ORC2: variants seen among roughly 807,000 people sequenced by gnomAD.
ORC2 encodes origin recognition complex subunit 2.
ORC2 carries 37 observed loss-of-function variants against 77.7 expected under a neutral mutation model. That is an observed-to-expected ratio of 0.48 (90% confidence interval 0.37 to 0.63). The LOEUF is 0.63. Among genes scored for constraint, ORC2 ranks in the 20% least tolerant of loss-of-function variants. The probability of loss-of-function intolerance (pLI) is 0.00; values close to 1 mark genes in which losing one functional copy is unlikely to be tolerated. For missense variants in ORC2, 557 were observed against 661.9 expected (o/e 0.84, Z 1.74); for synonymous variants, 201 against 229.5 (o/e 0.88, Z 1.12).
chr2:200,932,048 T>G (rs758544838), intron 10 of ORC2, among the ~76,000 whole-genome samples: 17 of 152,184 alleles, frequency 1.1e-4, no homozygotes, highest in Non-Finnish European at 1.9e-4. Flanking sequence ...AAGTAAAATA[T>G]TATTTAAATA....
At chr2:200,923,973 A>G (rs1324736182) in intron 13 of ORC2, among the ~76,000 whole-genome samples, 1 of 152,208 alleles carries the variant, frequency 6.6e-6, no homozygotes, top group Non-Finnish European at 1.5e-5. Context: ...AATAAATGTT[A>G]GCAAGCAGGT....
chr2:200,956,831 C>T (rs2041474716), intron 4 of ORC2, among the ~76,000 whole-genome samples: 1 of 151,972 alleles, frequency 6.6e-6, no homozygotes, highest in Non-Finnish European at 1.5e-5. Context: ...TACTATGCAG[C>T]CATAAAAGGA....
In ORC2 at chr2:200,925,940, A is replaced by G. The variant is rs1427970591; in HGVS notation, c.1051-8T>C. The G allele has an allele frequency of 7.4e-7, 1 of 1,348,698 alleles. No individual in the cohort carries two copies. Among genetic ancestry groups the G allele is most frequent in the Admixed American group, 1.8e-5 (1 of 57,142 alleles). The allele number at this position is 1,348,698 out of a possible 1,614,324, so 83.5% of individuals were successfully genotyped here. A position where few individuals can be genotyped will look rare whatever the true frequency, so the allele number is the denominator to read the frequency against. On this transcript the variant is annotated splice_polypyrimidine_tract_variant and splice_region_variant and intron_variant, in intron 12 of 17. Transcript: ENST00000234296. ...TGTTATAGAATTCAGGACCTATATC[A>G]TGAATGTGGAAGAGGTACCACATTA... is the stretch of plus-strand genomic sequence containing the variant.
Position 200,926,774 on chromosome 2 carries a change from C to T in ORC2, c.1044G>A (p.Val348=). ...TAACATTTTTGAAACTTACTGATTT[C>T]ACACTGATTCCAGGAAAGAAGCCAT... ...VINGFFPGIS[V]KSVLNSITEE... is the part of the protein sequence containing the mutation. Residue 348 remains valine (V), a synonymous_variant, in exon 12 of 18, where the codon GTG becomes GTA. Coordinates refer to ENST00000234296, the MANE Select transcript of ORC2 (RefSeq NM_006190.5). The T allele has an allele frequency of 6.2e-7, 1 of 1,613,766 alleles. No homozygotes were observed. Among genetic ancestry groups the T allele is most frequent in the Non-Finnish European group, 8.5e-7 (1 of 1,179,842 alleles).
At chr2:200,944,219 G>A (rs2041208174) in intron 5 of ORC2, among the ~76,000 whole-genome samples, 1 of 152,112 alleles carries the variant, frequency 6.6e-6, no homozygotes. Context: ...TGTCGCCCAG[G>A]CTGGAGTGCA....
chr2:200,925,302 T>C (rs2040823579), intron 13 of ORC2, among the ~76,000 whole-genome samples: 1 of 151,586 alleles, frequency 6.6e-6, no homozygotes, highest in South Asian at 2.1e-4. Context: ...ACTTTTGGAG[T>C]GTTTTATAAA....
intron 2 of ORC2, among the ~76,000 whole-genome samples, chr2:200,959,179 C>T: frequency 6.6e-6 from 1 of 152,094 alleles, no homozygotes; most frequent in Non-Finnish European, 1.5e-5. Context: ...GATGGAGCCT[C>T]ACTATGTTGC....
chr2:200,947,506 C>T (rs1426054700), intron 5 of ORC2, among the ~76,000 whole-genome samples: 1 of 152,122 alleles, frequency 6.6e-6, no homozygotes, highest in Non-Finnish European at 1.5e-5. Context: ...AAGAAATATC[C>T]ATAGGTGTTT....
intron 4 of ORC2, among the ~76,000 whole-genome samples, chr2:200,956,438 C>T (rs1029260947): frequency 6.6e-6 from 1 of 152,126 alleles, no homozygotes; most frequent in Non-Finnish European, 1.5e-5. Flanking sequence ...GCTTTGGTCT[C>T]CCAATATGCT....
chr2:200,913,187 A>G, intron 17 of ORC2, 108 bp downstream of exon 17: 1 of 740,936 alleles, frequency 1.3e-6, no homozygotes, highest in South Asian at 1.8e-5. Flanking sequence ...CTGTGACTCA[A>G]CAGGGAACAT....
chr2:200,939,327 TCACAA>T (rs2041106272), intron 7 of ORC2, among the ~76,000 whole-genome samples: 1 of 152,196 alleles, frequency 6.6e-6, no homozygotes, highest in Admixed American at 6.5e-5. Context: ...GTCTGAGAAT[TCACAA>T]CACCTGTGTC....
chr2:200,950,611 A>G (rs570829534), intron 4 of ORC2, among the ~76,000 whole-genome samples: 1 of 152,226 alleles, frequency 6.6e-6, no homozygotes, highest in Non-Finnish European at 1.5e-5. Context: ...CATATTGACT[A>G]ATGGAATGCG....
intron 10 of ORC2, 40 bp from the exon 11 acceptor site, chr2:200,931,488 A>G (rs780508437): frequency 2.0e-6 from 2 of 1,024,274 alleles, no homozygotes; most frequent in Non-Finnish European, 2.9e-6. Context: ...TCATTCTCAA[A>G]GCACAGACAG....
intron 4 of ORC2, 124 bp downstream of exon 4, chr2:200,957,277 T>A: frequency 3.1e-6 from 2 of 645,778 alleles, no homozygotes; most frequent in African/African-American, 3.7e-5. Context: ...AGCAAATGCT[T>A]TTTAGATGAG....
At chr2:200,917,258 G>A (rs1347534106) in intron 15 of ORC2, among the ~76,000 whole-genome samples, 1 of 152,058 alleles carries the variant, frequency 6.6e-6, no homozygotes, top group Non-Finnish European at 1.5e-5. Context: ...GCCTCTCAAA[G>A]TGCTGAGATT....
Position 200,925,886 on chromosome 2 carries a change from A to G in ORC2, c.1097T>C (p.Phe366Ser). The change falls in exon 13 of 18, where the codon TTC (phenylalanine) becomes TCC (serine). Residue 366 changes from phenylalanine (F) to serine (S), a missense_variant. Coordinates refer to ENST00000234296, the MANE Select transcript of ORC2 (RefSeq NM_006190.5). The part of the protein sequence containing the change: ...TEEVLDHMGT[F>S]RSILDQLDWI... The stretch of plus-strand genomic sequence containing the variant: ...GTCTAGCTGATCCAGTATACTGCGG[A>G]AAGTACCCATATGATCGAGGACTTC... The G allele has an allele frequency of 1.2e-6, 2 of 1,602,614 alleles. No homozygotes were observed. The highest frequency in any genetic ancestry group is 1.1e-5 in the South Asian group (1 of 90,184).
intron 11 of ORC2, among the ~76,000 whole-genome samples, chr2:200,927,565 CT>C (rs1386195573): frequency 6.7e-6 from 1 of 150,118 alleles, no homozygotes; most frequent in Admixed American, 6.6e-5. Flanking sequence ...TGGCGGGTGC[CT>C]GTAGTCCCAG....
At chr2:200,933,270 G>T (rs2040974939) in intron 10 of ORC2, among the ~76,000 whole-genome samples, 1 of 141,816 alleles carries the variant, frequency 7.1e-6, no homozygotes, top group Admixed American at 7.3e-5. Flanking sequence ...CTGGAACCAT[G>T]GTACATAGTA....
intron 5 of ORC2, 44 bp downstream of exon 5, chr2:200,949,510 A>C: frequency 9.6e-7 from 1 of 1,038,226 alleles, no homozygotes; most frequent in South Asian, 1.3e-5. Flanking sequence ...AATCTACCTT[A>C]GGAAAGATGA....
Sources: allele counts gnomAD v4.1 joint callset (sites outside exome capture counted in the v4.1 genomes callset), GRCh38; gene constraint gnomAD v4.1.1; transcripts MANE v1.5; gene names NCBI Gene and HGNC (gene_info 2026-07-23, HGNC 2026-07-21).